The following FGF14 variants were observed in gnomAD, a reference collection of about 807,000 sequenced individuals.
FGF14 encodes fibroblast growth factor homologous factor 4.
A neutral mutation model predicts 25.5 loss-of-function variants in FGF14; 5 were observed. The observed-to-expected ratio is 0.20, with a 90% CI of 0.10 to 0.41. FGF14 has a LOEUF of 0.41. Ranked by LOEUF, FGF14 falls within the 10% of genes least tolerant of loss-of-function variation. FGF14 has a pLI of 1.00. For missense variants in FGF14, 222 were observed against 320.1 expected (o/e 0.69, Z 2.34); for synonymous variants, 138 against 118.3 (o/e 1.17, Z -1.08).
intron 1 of FGF14, among the ~76,000 whole-genome samples, chr13:101,907,309 A>C (rs2032365376): frequency 6.6e-6 from 1 of 152,124 alleles, no homozygotes. Context: ...ATCACATGGA[A>C]TAGTTAACGT....
chr13:102,019,113 C>A (rs1478653068), intron 1 of FGF14, among the ~76,000 whole-genome samples: 1 of 152,080 alleles, frequency 6.6e-6, no homozygotes, highest in Non-Finnish European at 1.5e-5. Flanking sequence ...GATGAGCCAA[C>A]CTAACAGTCA....
chr13:102,250,262 G>C (rs2052102483), intron 1 of FGF14, among the ~76,000 whole-genome samples: 1 of 152,156 alleles, frequency 6.6e-6, no homozygotes, highest in Admixed American at 6.5e-5. Context: ...ACAAGGAGAG[G>C]ACAGCCACAA....
intron 1 of FGF14, among the ~76,000 whole-genome samples, chr13:102,254,464 G>T (rs2052346366): frequency 6.6e-6 from 1 of 152,110 alleles, no homozygotes; most frequent in African/African-American, 2.4e-5. Context: ...GAGCCTCTTT[G>T]TCACTCCAAA....
intron 1 of FGF14, among the ~76,000 whole-genome samples, chr13:101,957,247 C>T (rs561014004): frequency 1.2e-4 from 18 of 152,130 alleles, no homozygotes; most frequent in African/African-American, 4.1e-4. Flanking sequence ...TTCCAAACTT[C>T]GGTGTGTTTC....
intron 1 of FGF14, among the ~76,000 whole-genome samples, chr13:102,100,438 T>C (rs1326387957): frequency 5.3e-5 from 8 of 152,158 alleles, no homozygotes; most frequent in Non-Finnish European, 4.4e-5. Context: ...TAGCAGCAGA[T>C]TCCTGGCTTT....
intron 1 of FGF14, among the ~76,000 whole-genome samples, chr13:101,890,530 A>C (rs1364428230): frequency 6.6e-6 from 1 of 152,142 alleles, no homozygotes; most frequent in Non-Finnish European, 1.5e-5. Flanking sequence ...CAGAACTTTA[A>C]ATAAAAATCC....
chr13:101,872,177 G>C (rs1425849680), intron 2 of FGF14, among the ~76,000 whole-genome samples: 1 of 151,464 alleles, frequency 6.6e-6, no homozygotes, highest in Non-Finnish European at 1.5e-5. Flanking sequence ...CTATCTGGGT[G>C]AGTTTTTGGT....
intron 1 of FGF14, among the ~76,000 whole-genome samples, chr13:102,311,547 C>T (rs1001158307): frequency 6.6e-6 from 1 of 152,120 alleles, no homozygotes; most frequent in Non-Finnish European, 1.5e-5. Context: ...AAAACACTCC[C>T]ATTACAATTC....
intron 3 of FGF14, among the ~76,000 whole-genome samples, chr13:101,847,234 A>G (rs2043510679): frequency 6.6e-6 from 1 of 152,052 alleles, no homozygotes; most frequent in Non-Finnish European, 1.5e-5. Context: ...ATCTTTACAA[A>G]GAAACTGTAG....
intron 1 of FGF14, among the ~76,000 whole-genome samples, chr13:102,236,156 G>A (rs946554185): frequency 1.3e-5 from 2 of 152,046 alleles, no homozygotes; most frequent in African/African-American, 4.8e-5. Flanking sequence ...TCTTGCTTTG[G>A]GGAATGCCCT....
chr13:102,160,306 C>T (rs1463709833), intron 1 of FGF14, among the ~76,000 whole-genome samples: 1 of 152,136 alleles, frequency 6.6e-6, no homozygotes, highest in Admixed American at 6.6e-5. Context: ...CCCCCAGGGA[C>T]AACCCCCTAG....
In FGF14 at chr13:101,748,777, A is replaced by G. The variant is rs750739248; in HGVS notation, c.409-21967T>C. Among the ~76,000 whole-genome samples the G allele has an allele frequency of 4.1e-5, 4 of 98,580 alleles. No individual in the cohort carries two copies. The South Asian group carries it at 9.2e-4, about 23-fold the overall frequency. The allele number at this position is 98,580 out of a possible 152,430, so 64.7% of individuals were successfully genotyped here. A position where few individuals can be genotyped will look rare whatever the true frequency, so the allele number is the denominator to read the frequency against. ...AAAAAAAAAAAAAAAAAAAAAAAAT[A>G]GAATTACTATATAATCCAGCAACTT... On this transcript the variant is annotated intron_variant, in intron 3 of 4. Coordinates refer to ENST00000376143, the MANE Select transcript of FGF14 (RefSeq NM_004115.4).
chr13:102,219,663 A>G (rs745676122), intron 1 of FGF14, among the ~76,000 whole-genome samples: 3 of 152,202 alleles, frequency 2.0e-5, no homozygotes. Flanking sequence ...TGATACTAAA[A>G]TATACTCAGT....
intron 1 of FGF14, chr13:102,293,908 A>T (rs925240972): frequency 8.5e-5 from 13 of 152,206 alleles, no homozygotes; most frequent in Admixed American, 4.6e-4. Context: ...GCAGCACTTG[A>T]TTCAGAATGT....
intron 1 of FGF14, among the ~76,000 whole-genome samples, chr13:102,174,457 T>C (rs1307472278): frequency 6.6e-6 from 1 of 151,902 alleles, no homozygotes; most frequent in East Asian, 1.9e-4. Flanking sequence ...TGAGCCACCG[T>C]GCCCAGCCAG....
intron 3 of FGF14, among the ~76,000 whole-genome samples, chr13:101,854,497 G>A (rs1305137765): frequency 6.6e-6 from 1 of 152,072 alleles, no homozygotes; most frequent in Non-Finnish European, 1.5e-5. Flanking sequence ...GATGGACATG[G>A]TGATGTTTGC....
At chr13:102,127,951 C>A (rs777398180) in intron 1 of FGF14, among the ~76,000 whole-genome samples, 1 of 152,222 alleles carries the variant, frequency 6.6e-6, no homozygotes, top group Non-Finnish European at 1.5e-5. Flanking sequence ...TCTGCTCCCA[C>A]TGATCCCTCC....
intron 1 of FGF14, among the ~76,000 whole-genome samples, chr13:102,036,793 T>A (rs1343193177): frequency 6.6e-6 from 1 of 152,104 alleles, no homozygotes; most frequent in Admixed American, 6.6e-5. Flanking sequence ...TTCTGAGAAA[T>A]GCAGAATCCT....
chr13:102,362,512 T>C (rs1406247728), intron 1 of FGF14, among the ~76,000 whole-genome samples: 1 of 152,206 alleles, frequency 6.6e-6, no homozygotes, highest in African/African-American at 2.4e-5. Context: ...GCAGAGGAGA[T>C]GGAAACTTTA....
Sources: gnomAD v4.1 joint callset for allele counts (sites outside exome capture counted in the v4.1 genomes callset) on GRCh38, gnomAD v4.1.1 for gene constraint, MANE v1.5 for transcripts, NCBI Gene and HGNC (gene_info 2026-07-23, HGNC 2026-07-21) for gene names.